SMAP2: variants seen among roughly 807,000 people sequenced by gnomAD.
The protein encoded by SMAP2 is small ArfGAP2.
In SMAP2, 25 loss-of-function variants were observed where a neutral mutation model predicts 56.4. The observed-to-expected ratio is 0.44, with a 90% CI of 0.32 to 0.62. SMAP2 has a LOEUF of 0.62. Among genes scored for constraint, SMAP2 ranks in the 20% least tolerant of loss-of-function variants. The pLI is 0.04. For synonymous variants in SMAP2, 157 were observed against 181.7 expected (o/e 0.86, Z 1.09); for missense variants, 388 against 545.6 (o/e 0.71, Z 2.88).
chr1:40,399,213 C>T (rs981208447), intron 1 of SMAP2, among the ~76,000 whole-genome samples: 6 of 151,794 alleles, frequency 4.0e-5, no homozygotes, highest in Middle Eastern at 3.4e-3. Flanking sequence ...GGTGGGATCT[C>T]GGCCCACTGC....
rs209606 is a variant in SMAP2 at position 40,415,369 on chromosome 1, C to A, written c.669C>A (p.Ser223=). The change falls in exon 7 of 10, where the codon TCC becomes TCA. Residue 223 remains serine, a synonymous_variant. Transcript: ENST00000372718. Reference sequence around the variant, plus strand: ...CCTCTGTTCCATCCCCTTCTTCTTCCGGTTCCAGAAAGGTGAGTCTTGTGG... The same window carrying A: ...CCTCTGTTCCATCCCCTTCTTCTTCAGGTTCCAGAAAGGTGAGTCTTGTGG... ...LLASVPSPSS[S]GSRKVVGSMP... 6.5e-5 allele frequency: 104 copies of A among 1,611,012 alleles called. No homozygotes were observed. In the Middle Eastern group the frequency reaches 1.2e-3, roughly 18 times the overall value.
At chr1:40,380,824 C>T (rs2124227323) in intron 1 of SMAP2, among the ~76,000 whole-genome samples, 1 of 152,270 alleles carries the variant, frequency 6.6e-6, no homozygotes, top group Non-Finnish European at 1.5e-5. Flanking sequence ...CCGCCGCACC[C>T]AGCCTGTGGT....
chr1:40,393,532 T>A, intron 1 of SMAP2: 19 of 1,474,124 alleles, frequency 1.3e-5, no homozygotes, highest in Non-Finnish European at 1.6e-5. Flanking sequence ...GTGTAAGTAG[T>A]TCTTCTAACT....
intron 5 of SMAP2, chr1:40,413,948 A>T (rs558844518): frequency 1.9e-6 from 1 of 523,988 alleles, no homozygotes; most frequent in South Asian, 2.1e-5. Context: ...ATCACAGGCG[A>T]TATCTTTGTT....
chr1:40,402,665 G>A (rs1285819912), intron 1 of SMAP2, among the ~76,000 whole-genome samples: 2 of 152,110 alleles, frequency 1.3e-5, no homozygotes, highest in Non-Finnish European at 2.9e-5. Flanking sequence ...TGGCCAGGCT[G>A]ACTAACTGTA....
At chr1:40,348,681 C>CA (rs56924224) in intron 1 of SMAP2, among the ~76,000 whole-genome samples, 7 of 147,754 alleles carry the variant, frequency 4.7e-5, no homozygotes, top group South Asian at 4.3e-4. Context: ...TGTCCCCCCT[C>CA]AAAAAAAAAA....
At chr1:40,407,943 CATTGA>C (rs1209268388) in intron 2 of SMAP2, among the ~76,000 whole-genome samples, 1 of 152,098 alleles carries the variant, frequency 6.6e-6, no homozygotes, top group Non-Finnish European at 1.5e-5. Context: ...TCTCTTCCTA[CATTGA>C]AACGCTTTAA....
intron 1 of SMAP2, chr1:40,393,370 G>T: frequency 6.5e-7 from 1 of 1,535,358 alleles, no homozygotes; most frequent in Middle Eastern, 1.7e-4. Context: ...CAGCAGGAGA[G>T]GCAGCAGAGC....
rs947952732 is a variant in SMAP2 at position 40,374,546 on chromosome 1, A to T, written c.103+323A>T. On this transcript the variant is annotated intron_variant, in intron 1 of 9. Transcript: ENST00000372718. The surrounding 1 kb of genome is among the most constrained non-coding windows in gnomAD (Gnocchi z 5.9). ...CGGCTGTCCAGAGAGAGCTCCCAGC[A>T]TGTCACTTGCAAAGCTGGGGATGAA... The T allele has an allele frequency of 3.0e-6, 3 of 1,016,112 alleles. No homozygotes were observed. The highest frequency in any genetic ancestry group is 4.5e-6 in the Non-Finnish European group (3 of 669,790). 62.9% of individuals were successfully genotyped at this position (1,016,112 alleles called of 1,614,324 possible). A position where few individuals can be genotyped will look rare whatever the true frequency, so the allele number is the denominator to read the frequency against.
chr1:40,366,300 T>G (rs1039699455), intron 2 of SMAP2, among the ~76,000 whole-genome samples: 3 of 147,772 alleles, frequency 2.0e-5, no homozygotes, highest in African/African-American at 7.5e-5. Context: ...CCAGGAGAAC[T>G]TCCCCAATTT....
chr1:40,419,545 A>G (rs904926438), intron 9 of SMAP2, among the ~76,000 whole-genome samples: 1 of 152,146 alleles, frequency 6.6e-6, no homozygotes, highest in Non-Finnish European at 1.5e-5. Context: ...TTGGCCTCCC[A>G]AAGTGCTGGG....
At chr1:40,396,081 T>C (rs1206126328) in intron 1 of SMAP2, among the ~76,000 whole-genome samples, 1 of 152,202 alleles carries the variant, frequency 6.6e-6, no homozygotes, top group East Asian at 1.9e-4. Context: ...TTCAGCGGGC[T>C]TGTATTTTGG....
chr1:40,373,315 T>C (rs1376165444), upstream of SMAP2, among the ~76,000 whole-genome samples: 1 of 152,076 alleles, frequency 6.6e-6, no homozygotes, highest in African/African-American at 2.4e-5. Flanking sequence ...TATTTGGCTG[T>C]TGGAAAAAAC....
intron 1 of SMAP2, among the ~76,000 whole-genome samples, chr1:40,394,385 A>G (rs1182538273): frequency 6.6e-6 from 1 of 152,066 alleles, no homozygotes; most frequent in Non-Finnish European, 1.5e-5. Flanking sequence ...GAAGAAGTCT[A>G]TTGTCCTCAA....
At chr1:40,388,450 G>A (rs1644683147) in intron 1 of SMAP2, among the ~76,000 whole-genome samples, 1 of 152,168 alleles carries the variant, frequency 6.6e-6, no homozygotes, top group Non-Finnish European at 1.5e-5. Flanking sequence ...GTTTGTGAAT[G>A]CACCAATCGA....
At chr1:40,361,303 C>T (rs989231125) in intron 1 of SMAP2, among the ~76,000 whole-genome samples, 1 of 152,008 alleles carries the variant, frequency 6.6e-6, no homozygotes, top group Non-Finnish European at 1.5e-5. Context: ...TTCACTTGTT[C>T]ACTCAAGAGC....
At chr1:40,347,240 G>GTGTTTTTTTTTTT (rs58284805) in intron 1 of SMAP2, among the ~76,000 whole-genome samples, 1 of 88,404 alleles carries the variant, frequency 1.1e-5, no homozygotes, top group African/African-American at 4.0e-5. Flanking sequence ...GTGTGTGTGT[G>GTGTTTTTTTTTTT]TTTTGTTTTT....
upstream of SMAP2, among the ~76,000 whole-genome samples, chr1:40,370,718 A>G (rs1206464183): frequency 3.1e-5 from 3 of 96,592 alleles, no homozygotes; most frequent in Non-Finnish European, 2.0e-5. Flanking sequence ...GGGTAGGGGG[A>G]GGGGGGAGGG....
At chr1:40,389,912 A>G (rs1446875538) in intron 1 of SMAP2, among the ~76,000 whole-genome samples, 2 of 59,544 alleles carry the variant, frequency 3.4e-5, no homozygotes, top group African/African-American at 6.6e-5. Context: ...ACCTCCACCC[A>G]CTCCCCTCCC....
Sources: gnomAD v4.1 joint callset for allele counts (sites outside exome capture counted in the v4.1 genomes callset) on GRCh38, gnomAD v4.1.1 for gene constraint, Gnocchi (gnomAD v3.1) non-coding constraint, MANE v1.5 for transcripts, NCBI Gene and HGNC (gene_info 2026-07-23, HGNC 2026-07-21) for gene names.